LSAMP: variants seen among roughly 807,000 people sequenced by gnomAD.
LSAMP encodes limbic system-associated membrane protein.
A neutral mutation model predicts 38.6 loss-of-function variants in LSAMP; 7 were observed. That is an observed-to-expected ratio of 0.18 (90% CI 0.10 to 0.34). The LOEUF is 0.34. Among genes scored for constraint, LSAMP ranks in the 10% least tolerant of loss-of-function variants. The pLI, the probability that LSAMP is intolerant of heterozygous loss-of-function variation, is 1.00. For synonymous variants in LSAMP, 154 were observed against 166.8 expected (o/e 0.92, Z 0.59); for missense variants, 313 against 420.0 (o/e 0.75, Z 2.23).
At chr3:116,357,727 C>G (rs367656796) in intron 1 of LSAMP, among the ~76,000 whole-genome samples, 1 of 151,962 alleles carries the variant, frequency 6.6e-6, no homozygotes, top group South Asian at 2.1e-4. Flanking sequence ...GGTTTACAAC[C>G]ATTGAGCCCA....
At chr3:115,866,472 T>G (rs1935864522) in intron 3 of LSAMP, among the ~76,000 whole-genome samples, 1 of 152,192 alleles carries the variant, frequency 6.6e-6, no homozygotes, top group African/African-American at 2.4e-5. Flanking sequence ...TTACCTTTCT[T>G]GGTTTCATTA....
In LSAMP at chr3:116,081,290, C is replaced by T. The variant is rs112094353; in HGVS notation, c.388+5034G>A. The stretch of plus-strand genomic sequence containing the variant: ...CATCCTGGCCAACATGATGAAACCT[C>T]ATCTCTACTAAAAATTAGGCAGGCA... On this transcript the variant is annotated intron_variant, in intron 2 of 6. Transcript: ENST00000490035. 9.2e-5 allele frequency among the ~76,000 whole-genome samples: 14 copies of T among 152,122 alleles called. No individual in the cohort carries two copies. The East Asian group carries it at 1.7e-3, about 19-fold the overall frequency.
intron 1 of LSAMP, among the ~76,000 whole-genome samples, chr3:116,342,647 G>A (rs963181233): frequency 2.0e-5 from 3 of 152,044 alleles, no homozygotes; most frequent in Non-Finnish European, 4.4e-5. Flanking sequence ...TCAGAGCTGT[G>A]AAAATAGCTG....
intron 1 of LSAMP, among the ~76,000 whole-genome samples, chr3:116,439,316 G>GTTTTTTTTTTTTTTTTTTT (rs775235925): frequency 7.0e-6 from 1 of 142,998 alleles, no homozygotes; most frequent in African/African-American, 2.6e-5. Context: ...CTGAGATTTT[G>GTTTTTTTTTTTTTTTTTTT]TTGTTTTTTT....
rs78203249 is a variant in LSAMP, at chr3:115,942,902, C to G, written c.514+76613G>C. 5.7e-3 allele frequency among the ~76,000 whole-genome samples: 875 copies of G among 152,200 alleles called. 12 individuals carry two copies. The highest frequency in any genetic ancestry group is 0.02 in the African/African-American group (841 of 41,540). ...TAACAGACTGCTCACATTCAATTGT[C>G]AACATTAGTGCTTTATCAGATCAAT... On this transcript the variant is annotated intron_variant, in intron 3 of 6. Transcript: ENST00000490035.
intron 1 of LSAMP, among the ~76,000 whole-genome samples, chr3:116,160,669 G>GAAAAT (rs541860613): frequency 6.6e-6 from 1 of 152,042 alleles, no homozygotes; most frequent in African/African-American, 2.4e-5. Flanking sequence ...ACCTAAAATT[G>GAAAAT]AAAATAAAAT....
At chr3:116,359,483 T>G (rs1198538626) in intron 1 of LSAMP, among the ~76,000 whole-genome samples, 1 of 152,238 alleles carries the variant, frequency 6.6e-6, no homozygotes, top group East Asian at 1.9e-4. Flanking sequence ...GTGTAAATGT[T>G]GCATAGCCTA....
chr3:115,921,801 A>G (rs1274398738), intron 3 of LSAMP, among the ~76,000 whole-genome samples: 1 of 152,106 alleles, frequency 6.6e-6, no homozygotes, highest in Non-Finnish European at 1.5e-5. Flanking sequence ...TTTAATTTTT[A>G]AGGAATATTT....
chr3:116,431,843 A>G (rs1009441193), intron 1 of LSAMP, among the ~76,000 whole-genome samples: 5 of 152,096 alleles, frequency 3.3e-5, no homozygotes, highest in African/African-American at 1.2e-4. Flanking sequence ...GAAATTTAGT[A>G]TGGACTTGGA....
intron 1 of LSAMP, among the ~76,000 whole-genome samples, chr3:116,266,550 T>C (rs1210335476): frequency 2.6e-5 from 4 of 152,108 alleles, no homozygotes; most frequent in African/African-American, 9.7e-5. Context: ...GAACTTTTAT[T>C]ATTATTTCTG....
At chr3:116,408,030 C>G (rs1383554349) in intron 1 of LSAMP, among the ~76,000 whole-genome samples, 1 of 151,998 alleles carries the variant, frequency 6.6e-6, no homozygotes, top group Non-Finnish European at 1.5e-5. Context: ...AATCATCACA[C>G]AAACTTCTTA....
At position 116,301,048 on chromosome 3, in the gene LSAMP, TTGAG is replaced by T. The variant is rs1347865998; in HGVS notation, c.155+143825_155+143828del. On this transcript the variant is annotated intron_variant, in intron 1 of 6. Coordinates refer to ENST00000490035, the MANE Select transcript of LSAMP (RefSeq NM_002338.5). ...CCTTAAAATGAAAAAAGCTAATATA[TTGAG>T]TATCTTTTTCACATACTTTGGGAAT... Among the ~76,000 whole-genome samples the T allele has an allele frequency of 2.0e-5, 3 of 152,060 alleles. No individual in the cohort carries two copies. In the East Asian group the frequency reaches 5.8e-4, roughly 29 times the overall value.
chr3:115,817,467 A>G (rs185663903), intron 6 of LSAMP, among the ~76,000 whole-genome samples: 79 of 152,336 alleles, frequency 5.2e-4, no homozygotes, highest in African/African-American at 1.9e-3. Flanking sequence ...TTTAATTTAT[A>G]AATAAGTCTC....
chr3:115,852,405 TAATGG>T, intron 4 of LSAMP, 73 bp downstream of exon 4: 1 of 1,469,152 alleles, frequency 6.8e-7, no homozygotes, highest in Non-Finnish European at 9.1e-7. Context: ...GTTCTTTTGC[TAATGG>T]AATCTTTAGA....
chr3:115,938,578 G>A (rs957760465), intron 3 of LSAMP, among the ~76,000 whole-genome samples: 3 of 152,130 alleles, frequency 2.0e-5, no homozygotes, highest in Admixed American at 6.5e-5. Context: ...AATCCACTCC[G>A]TCTTTGGTAG....
intron 1 of LSAMP, among the ~76,000 whole-genome samples, chr3:116,238,288 ACTAAC>A (rs1361446699): frequency 4.6e-5 from 7 of 152,156 alleles, no homozygotes; most frequent in African/African-American, 1.7e-4. Flanking sequence ...TCTTTACTAA[ACTAAC>A]CTAAGCTGTT....
At chr3:115,912,135 C>A (rs1937149197) in intron 3 of LSAMP, among the ~76,000 whole-genome samples, 1 of 152,124 alleles carries the variant, frequency 6.6e-6, no homozygotes, top group Admixed American at 6.5e-5. Context: ...AGGTCTTTTG[C>A]AAAGCAGAAG....
At chr3:115,834,565 GA>G in intron 6 of LSAMP, 1 of 1,282,822 alleles carries the variant, frequency 7.8e-7, no homozygotes, top group Non-Finnish European at 1.0e-6. Context: ...TACTGACCTT[GA>G]ATGGGGTGGG....
At chr3:116,167,754 C>G (rs1381929675) in intron 1 of LSAMP, among the ~76,000 whole-genome samples, 1 of 152,224 alleles carries the variant, frequency 6.6e-6, no homozygotes, top group Non-Finnish European at 1.5e-5. Context: ...TCTCAGCCCA[C>G]ACCCCTTATA....
Sources: gnomAD v4.1 joint callset for allele counts (sites outside exome capture counted in the v4.1 genomes callset) on GRCh38, gnomAD v4.1.1 for gene constraint, MANE v1.5 for transcripts, NCBI Gene and HGNC (gene_info 2026-07-23, HGNC 2026-07-21) for gene names.